CNTNAP2: variants seen among roughly 807,000 people sequenced by gnomAD.
The protein encoded by CNTNAP2 is contactin-associated protein-like 2.
CNTNAP2 carries 98 observed loss-of-function variants against 155.2 expected under a neutral mutation model. The ratio of observed to expected loss-of-function variants is 0.63; its 90% CI spans 0.54 to 0.75. CNTNAP2 has a LOEUF of 0.75. CNTNAP2 is among the 30% of genes least tolerant of loss of function. CNTNAP2 has a pLI of 0.00. For missense variants in CNTNAP2, 1,727 were observed against 1,688.1 expected, an observed-to-expected ratio of 1.02 and a Z score of -0.40; for synonymous variants, 651 against 631.2, an observed-to-expected ratio of 1.03 and a Z score of -0.47.
intron 1 of CNTNAP2, among the ~76,000 whole-genome samples, chr7:146,174,231 A>T (rs10275310): frequency 0.15 from 22,046 of 151,794 alleles, 1,705 homozygotes; most frequent in Non-Finnish European, 0.17. Flanking sequence ...AAAAAAGAAA[A>T]AAAACCCAAC....
intron 10 of CNTNAP2, among the ~76,000 whole-genome samples, chr7:147,457,284 A>T (rs1797932069): frequency 6.6e-6 from 1 of 152,166 alleles, no homozygotes; most frequent in African/African-American, 2.4e-5. Context: ...GGAAGGTGAA[A>T]ATTAAAGCTC....
chr7:146,908,265 A>G (rs1025616562), intron 3 of CNTNAP2, among the ~76,000 whole-genome samples: 2 of 151,542 alleles, frequency 1.3e-5, no homozygotes, highest in African/African-American at 4.8e-5. Context: ...CAACAAGGAT[A>G]CCCAGGAATT....
chr7:147,474,352 G>A (rs548312091), intron 10 of CNTNAP2, among the ~76,000 whole-genome samples: 2 of 152,204 alleles, frequency 1.3e-5, no homozygotes, highest in African/African-American at 4.8e-5. Context: ...CCAACACTTT[G>A]GGAGGCCAAG....
intron 12 of CNTNAP2, among the ~76,000 whole-genome samples, chr7:147,567,515 A>T (rs1380208203): frequency 6.6e-6 from 1 of 152,208 alleles, no homozygotes; most frequent in East Asian, 1.9e-4. Context: ...GTAGTAATGC[A>T]GAGGTTGAAA....
chr7:146,636,776 G>A lies in CNTNAP2; in HGVS notation c.98-137495G>A, dbSNP rs1455005866. ...GATTTTCTTCAAAAGCTCTGACATT[G>A]AGACCCTGCTCTGGCATTTCATTTG... On this transcript the variant is annotated intron_variant, in intron 1 of 23. Transcript: ENST00000361727. Among the ~76,000 whole-genome samples the A allele has an allele frequency of 2.0e-5, 3 of 152,292 alleles. No homozygotes were observed. The East Asian group carries it at 5.8e-4, about 29-fold the overall frequency.
intron 10 of CNTNAP2, among the ~76,000 whole-genome samples, chr7:147,410,741 AC>A (rs1797089905): frequency 1.3e-5 from 1 of 76,076 alleles, no homozygotes; most frequent in African/African-American, 3.2e-5. Context: ...AATACTTCAT[AC>A]ACACACAGGA....
intron 1 of CNTNAP2, among the ~76,000 whole-genome samples, chr7:146,521,985 G>C (rs1258192058): frequency 2.7e-5 from 4 of 150,746 alleles, no homozygotes; most frequent in African/African-American, 5.0e-5. Flanking sequence ...TTAGTAATAA[G>C]AGTAAATCAA....
chr7:147,698,878 C>G (rs771694368), intron 13 of CNTNAP2, among the ~76,000 whole-genome samples: 9 of 151,602 alleles, frequency 5.9e-5, no homozygotes, highest in Non-Finnish European at 1.2e-4. Context: ...GAAATACTAA[C>G]CAAAATAATT....
intron 3 of CNTNAP2, among the ~76,000 whole-genome samples, chr7:146,977,298 T>G (rs1046582234): frequency 6.6e-6 from 1 of 151,648 alleles, no homozygotes; most frequent in African/African-American, 2.4e-5. Flanking sequence ...AGAATCAGAA[T>G]CAGAATGAAG....
At chr7:147,887,108 C>T (rs970940388) in intron 13 of CNTNAP2, among the ~76,000 whole-genome samples, 1 of 152,196 alleles carries the variant, frequency 6.6e-6, no homozygotes, top group Non-Finnish European at 1.5e-5. Flanking sequence ...TTAAAACCTA[C>T]AGTAACAGAC....
chr7:147,121,282 C>A, intron 6 of CNTNAP2, 119 bp downstream of exon 6: 2 of 968,372 alleles, frequency 2.1e-6, no homozygotes, highest in Non-Finnish European at 3.0e-6. Context: ...CTTCTCTAAA[C>A]AAGACACTGA....
At chr7:146,714,599 C>T (rs1342682550) in intron 1 of CNTNAP2, among the ~76,000 whole-genome samples, 1 of 151,986 alleles carries the variant, frequency 6.6e-6, no homozygotes, top group African/African-American at 2.4e-5. Context: ...GAAGTGTATA[C>T]CTATAGGAAA....
chr7:146,721,875 G>GTGTGTGTGTGTATGTATATATA (rs1332551916), intron 1 of CNTNAP2, among the ~76,000 whole-genome samples: 1 of 76,702 alleles, frequency 1.3e-5, no homozygotes, highest in Non-Finnish European at 2.1e-5. Flanking sequence ...GTGTGTGTGT[G>GTGTGTGTGTGTATGTATATATA]TATATATATA....
intron 3 of CNTNAP2, among the ~76,000 whole-genome samples, chr7:146,875,184 G>A (rs6942401): frequency 0.44 from 67,066 of 151,990 alleles, 15,702 homozygotes; most frequent in African/African-American, 0.6. Flanking sequence ...ATCTGAGATT[G>A]TAAGTGGCAT....
At chr7:146,952,424 G>A (rs993114295) in intron 3 of CNTNAP2, among the ~76,000 whole-genome samples, 1 of 152,078 alleles carries the variant, frequency 6.6e-6, no homozygotes, top group African/African-American at 2.4e-5. Flanking sequence ...GGAAGTTCTG[G>A]CCAGGGCAAT....
intron 8 of CNTNAP2, among the ~76,000 whole-genome samples, chr7:147,184,970 T>G (rs1219052827): frequency 6.6e-6 from 1 of 152,162 alleles, no homozygotes; most frequent in African/African-American, 2.4e-5. Context: ...ATGTAAATAC[T>G]GTCTATATAA....
intron 13 of CNTNAP2, among the ~76,000 whole-genome samples, chr7:147,774,449 T>C (rs528474660): frequency 3.3e-5 from 5 of 152,350 alleles, no homozygotes; most frequent in African/African-American, 1.2e-4. Flanking sequence ...ATAGAATTTC[T>C]TGATGGAAAT....
rs114254096 is a variant in CNTNAP2, at chr7:147,516,725, C to T, written c.1777+30684C>T. 1.9e-3 allele frequency among the ~76,000 whole-genome samples: 282 copies of T among 152,026 alleles called. 1 individual carries two copies. The highest frequency in any genetic ancestry group is 5.0e-3 in the African/African-American group (206 of 41,464). On this transcript the variant is annotated intron_variant, in intron 11 of 23. Coordinates refer to ENST00000361727, the MANE Select transcript of CNTNAP2 (RefSeq NM_014141.6). ...CAAAAATTCATTTATAATTTATAAA[C>T]ACTGAGCTTTTAATTTCAGGTGTTT...
chr7:147,112,997 C>T (rs1800913534), intron 5 of CNTNAP2, among the ~76,000 whole-genome samples: 2 of 152,016 alleles, frequency 1.3e-5, no homozygotes, highest in Non-Finnish European at 2.9e-5. Context: ...TAGAATGCAG[C>T]TGTGAGTCTG....
Sources: allele counts gnomAD v4.1 joint callset (sites outside exome capture counted in the v4.1 genomes callset), GRCh38; gene constraint gnomAD v4.1.1; transcripts MANE v1.5; gene names NCBI Gene and HGNC (gene_info 2026-07-23, HGNC 2026-07-21).